PCDHGB7: variants seen among roughly 807,000 people sequenced by gnomAD.
PCDHGB7 encodes protocadherin gamma-B7.
Under a neutral mutation model 61.4 loss-of-function variants are expected in PCDHGB7, and 37 were observed. The ratio of observed to expected loss-of-function variants is 0.60; its 90% confidence interval spans 0.46 to 0.79. The LOEUF is 0.79. PCDHGB7 is among the 30% of genes least tolerant of loss of function. PCDHGB7 has a pLI of 0.00. For missense variants in PCDHGB7, 1,166 were observed against 1,202.5 expected, an observed-to-expected ratio of 0.97 and a Z score of 0.45; for synonymous variants, 464 against 503.5, an observed-to-expected ratio of 0.92 and a Z score of 1.05.
intron 1 of PCDHGB7, chr5:141,421,577 T>C (rs1385519860): frequency 1.4e-5 from 22 of 1,613,748 alleles, no homozygotes; most frequent in Non-Finnish European, 1.5e-5. Context: ...ACCTTGAAGA[T>C]TTACGGAGTG....
chr5:141,448,814 G>A (rs967588194), intron 1 of PCDHGB7, among the ~76,000 whole-genome samples: 14 of 152,122 alleles, frequency 9.2e-5, no homozygotes, highest in Non-Finnish European at 1.8e-4. Flanking sequence ...GCGTGATGGC[G>A]GGCGCCTGTA....
rs143779180 is a variant in PCDHGB7, at chr5:141,485,438, C to T, written c.2416-9369C>T. Reference sequence around the variant, plus strand: ...CAGCGGAGCCCTGCTCATCAAGAACCCAATCGACCGAGAGGCACTGTGTGG... The same window carrying T: ...CAGCGGAGCCCTGCTCATCAAGAACTCAATCGACCGAGAGGCACTGTGTGG... On this transcript the variant is annotated intron_variant, in intron 1 of 3. Transcript: ENST00000398594. This position sits in a 1 kb window ranked among gnomAD's most constrained non-coding sequence, Gnocchi z 5.7. 2.9e-5 allele frequency: 47 copies of T among 1,614,052 alleles called. No individual in the cohort carries two copies. The highest frequency in any genetic ancestry group is 4.0e-5 in the African/African-American group (3 of 74,924).
intron 1 of PCDHGB7, chr5:141,421,344 G>A: frequency 6.2e-7 from 1 of 1,613,976 alleles, no homozygotes; most frequent in Non-Finnish European, 8.5e-7. Context: ...TGCCAGAAGA[G>A]ACCGAAAAGG....
rs756243026 is a variant in PCDHGB7, at chr5:141,487,478, T to C, written c.2416-7329T>C. On this transcript the variant is annotated intron_variant, in intron 1 of 3. Transcript: ENST00000398594. This position sits in a 1 kb window ranked among gnomAD's most constrained non-coding sequence, Gnocchi z 5.0. ...CAAGTTTGTTGATGTGGGAGGCCAC[T>C]CTCATGGCTGTACACCCTTGGCTTC... is the stretch of plus-strand genomic sequence containing the variant. 6 of 1,614,078 alleles carry C rather than the reference T, an allele frequency of 3.7e-6. No individual in the cohort carries two copies. In the Admixed American group the frequency reaches 1.0e-4, roughly 27 times the overall value.
chr5:141,492,616 G>A (rs976681246), intron 1 of PCDHGB7, among the ~76,000 whole-genome samples: 1 of 152,252 alleles, frequency 6.6e-6, no homozygotes. Flanking sequence ...CTAAGTGCCG[G>A]GCGGGCAGGA....
At position 141,485,240 on chromosome 5, in the gene PCDHGB7, C is replaced by G; in HGVS notation, c.2416-9567C>G. On this transcript the variant is annotated intron_variant, in intron 1 of 3. Coordinates refer to ENST00000398594, the MANE Select transcript of PCDHGB7 (RefSeq NM_018927.4). This position sits in a 1 kb window ranked among gnomAD's most constrained non-coding sequence, Gnocchi z 5.7. The stretch of plus-strand genomic sequence containing the variant: ...GGCTACCCTTTTGTTCCTCTTTTAC[C>G]ACCTGGGTTACGTTTGTGGGCAGAT... The G allele has an allele frequency of 6.2e-7, 1 of 1,614,174 alleles. No individual in the cohort carries two copies. The highest frequency in any genetic ancestry group is 8.5e-7 in the Non-Finnish European group (1 of 1,180,024).
In PCDHGB7 at chr5:141,511,067, C is replaced by T. The variant is rs760786015; in HGVS notation, c.2684C>T (p.Pro895Leu). The change falls in exon 4 of 4, where the codon CCA (proline) becomes CTA (leucine). Residue 895 changes from proline (P) to leucine (L), a missense_variant. Pro to Leu is a moderately conservative substitution (Grantham distance 98). Coordinates refer to ENST00000398594, the MANE Select transcript of PCDHGB7 (RefSeq NM_018927.4). ...VPDYRQNVYI[P>L]GSNATLTNAA... ...GACTACCGCCAGAATGTCTACATCC[C>T]AGGCAGCAATGCCACACTGACCAAC... 7.4e-6 allele frequency: 12 copies of T among 1,614,136 alleles called. No homozygotes were observed. Among genetic ancestry groups the T allele is most frequent in the African/African-American group, 1.3e-5 (1 of 74,942 alleles).
rs758139838 is a variant in PCDHGB7, at chr5:141,431,419, G to C, written c.2415+11145G>C. The C allele has an allele frequency of 1.5e-5, 25 of 1,613,700 alleles. No individual in the cohort carries two copies. The highest frequency in any genetic ancestry group is 2.0e-5 in the Non-Finnish European group (24 of 1,180,046). On this transcript the variant is annotated intron_variant, in intron 1 of 3. Coordinates refer to ENST00000398594, the MANE Select transcript of PCDHGB7 (RefSeq NM_018927.4). This position sits in a 1 kb window ranked among gnomAD's most constrained non-coding sequence, Gnocchi z 4.8. ...TTACGGCCTCCGACGGGGGCGACCC[G>C]GTGCGCACAGGCACCGCGCGCATCC... is the stretch of plus-strand genomic sequence containing the variant.
At chr5:141,466,654 C>A (rs985749176) in intron 1 of PCDHGB7, among the ~76,000 whole-genome samples, 12 of 152,178 alleles carry the variant, frequency 7.9e-5, no homozygotes, top group African/African-American at 2.9e-4. Flanking sequence ...TTTCACAAAA[C>A]ATCAGTGATT....
chr5:141,422,775 T>G (rs1179216247), intron 1 of PCDHGB7: 1 of 1,614,046 alleles, frequency 6.2e-7, no homozygotes, highest in Non-Finnish European at 8.5e-7. Context: ...GTGTTCTCTA[T>G]GCCCTACAAT....
At position 141,431,209 on chromosome 5, in the gene PCDHGB7, G is replaced by C; in HGVS notation, c.2415+10935G>C. Reference sequence around the variant, plus strand: ...TTAGTGAAAATGCAGCCACTGAGATGCGGTTCCCTCTACCCCACGCCTGGG... The same window carrying C: ...TTAGTGAAAATGCAGCCACTGAGATCCGGTTCCCTCTACCCCACGCCTGGG... On this transcript the variant is annotated intron_variant, in intron 1 of 3. Coordinates refer to ENST00000398594, the MANE Select transcript of PCDHGB7 (RefSeq NM_018927.4). The surrounding 1 kb of genome is among the most constrained non-coding windows in gnomAD (Gnocchi z 4.8). 6.2e-7 allele frequency: 1 copy of C among 1,614,190 alleles called. No homozygotes were observed. Among genetic ancestry groups the C allele is most frequent in the Non-Finnish European group, 8.5e-7 (1 of 1,180,038 alleles).
At chr5:141,503,004 C>T (rs114294610) in intron 2 of PCDHGB7, among the ~76,000 whole-genome samples, 5,013 of 145,894 alleles carry the variant, frequency 0.034, 127 homozygotes, top group South Asian at 0.076. Context: ...CCACCATGCC[C>T]GGTTAATTTT....
chr5:141,461,355 G>A (rs993200082), intron 1 of PCDHGB7, among the ~76,000 whole-genome samples: 3 of 152,022 alleles, frequency 2.0e-5, no homozygotes, highest in Non-Finnish European at 2.9e-5. Flanking sequence ...GTGGTAGCTC[G>A]TTGTGGTTTT....
rs140088812 is a variant in PCDHGB7, at chr5:141,489,695, T to C, written c.2416-5112T>C. The C allele has an allele frequency of 6.2e-7, 1 of 1,614,088 alleles. No homozygotes were observed. The highest frequency in any genetic ancestry group is 1.3e-5 in the African/African-American group (1 of 75,026). On this transcript the variant is annotated intron_variant, in intron 1 of 3. Transcript: ENST00000398594. This position sits in a 1 kb window ranked among gnomAD's most constrained non-coding sequence, Gnocchi z 4.5. ...GAATCAGCAGCATCTGGGGCACGAT[T>C]CCCACTGGACAGTGCCCAGGATCCG...
At chr5:141,462,893 G>A (rs577241413) in intron 1 of PCDHGB7, among the ~76,000 whole-genome samples, 68 of 152,170 alleles carry the variant, frequency 4.5e-4, no homozygotes, top group African/African-American at 1.4e-3. Context: ...AGTTTGTTTT[G>A]GAAGGCTATT....
At chr5:141,478,039 G>A (rs764777183) in intron 1 of PCDHGB7, 29 of 1,613,978 alleles carry the variant, frequency 1.8e-5, no homozygotes, top group Non-Finnish European at 2.5e-5. Flanking sequence ...ATTCACCCAG[G>A]CAGACTCTCA....
Position 141,432,794 on chromosome 5 carries a change from G to C in PCDHGB7, c.2415+12520G>C. 3 of 1,614,138 alleles carry C rather than the reference G, an allele frequency of 1.9e-6. No homozygotes were observed. The highest frequency in any genetic ancestry group is 1.7e-5 in the Admixed American group (1 of 60,026). ...AGTCCTGGCGGACCTCGGCAGCCTC[G>C]AGTCTCCAGCTAACTCTGAAACCTC... On this transcript the variant is annotated intron_variant, in intron 1 of 3. Coordinates refer to ENST00000398594, the MANE Select transcript of PCDHGB7 (RefSeq NM_018927.4). The surrounding 1 kb of genome is among the most constrained non-coding windows in gnomAD (Gnocchi z 6.0).
intron 1 of PCDHGB7, chr5:141,478,117 C>G (rs1419172538): frequency 1.3e-5 from 21 of 1,614,058 alleles, no homozygotes; most frequent in Non-Finnish European, 1.7e-5. Context: ...TGTCAGTAAC[C>G]GAGGACTCTC....
chr5:141,483,401 A>G (rs1052240280), intron 1 of PCDHGB7, among the ~76,000 whole-genome samples: 2 of 152,202 alleles, frequency 1.3e-5, no homozygotes, highest in African/African-American at 4.8e-5. Context: ...TGCTTGAACC[A>G]GCACAGTGGC....
Sources: allele counts gnomAD v4.1 joint callset (sites outside exome capture counted in the v4.1 genomes callset), GRCh38; gene constraint gnomAD v4.1.1; non-coding constraint Gnocchi (gnomAD v3.1); transcripts MANE v1.5; gene names NCBI Gene and HGNC (gene_info 2026-07-23, HGNC 2026-07-21).